The following USP15 variants were observed in gnomAD, a reference collection of about 807,000 sequenced individuals.
The protein encoded by USP15 is ubiquitin specific peptidase 15.
A neutral mutation model predicts 127.1 loss-of-function variants in USP15; 18 were observed. The ratio of observed to expected loss-of-function variants is 0.14; its 90% CI spans 0.10 to 0.21. The LOEUF (loss-of-function observed/expected upper bound fraction) is 0.21, where lower values mean the gene tolerates loss of function less well. Among genes scored for constraint, USP15 ranks in the 10% least tolerant of loss-of-function variants. The pLI is 1.00. For synonymous variants in USP15, 364 were observed against 393.7 expected (o/e 0.92, Z 0.89); for missense variants, 805 against 1,159.9 (o/e 0.69, Z 4.44).
At chr12:62,378,890 A>G (rs1486154473) in intron 8 of USP15, among the ~76,000 whole-genome samples, 1 of 152,184 alleles carries the variant, frequency 6.6e-6, no homozygotes, top group Non-Finnish European at 1.5e-5. Flanking sequence ...TAAATGCATT[A>G]GTAAATACAG....
At chr12:62,339,689 A>G (rs2065588044) in intron 6 of USP15, among the ~76,000 whole-genome samples, 1 of 152,164 alleles carries the variant, frequency 6.6e-6, no homozygotes, top group Non-Finnish European at 1.5e-5. Context: ...GATTACTTTT[A>G]TTGATTTGCA....
At position 62,406,794 on chromosome 12, in the gene USP15, G is replaced by C. The variant is rs1019207180; in HGVS notation, c.*2419G>C. On this transcript the variant is annotated 3_prime_UTR_variant, in exon 22 of 22. Coordinates refer to ENST00000280377, the MANE Select transcript of USP15 (RefSeq NM_001252078.2). Reference sequence around the variant, plus strand: ...GAGTAACATAGTGAGAACCTCATCTGTACAAATATATGTATTTTTTTTTAA... The same window carrying C: ...GAGTAACATAGTGAGAACCTCATCTCTACAAATATATGTATTTTTTTTTAA... The C allele has an allele frequency of 6.6e-6, 1 of 152,044 alleles. No homozygotes were observed. Among genetic ancestry groups the C allele is most frequent in the African/African-American group, 2.4e-5 (1 of 41,392 alleles). The allele number at this position is 152,044 out of a possible 1,614,324, so 9.4% of individuals were successfully genotyped here.
chr12:62,328,305 T>G lies in USP15; in HGVS notation c.683+2372T>G, dbSNP rs181524969. 31 of 454,250 alleles carry G rather than the reference T, an allele frequency of 6.8e-5. 1 individual carries two copies. The highest frequency in any genetic ancestry group is 3.3e-4 in the Middle Eastern group (1 of 3,056). 28.1% of individuals were successfully genotyped at this position (454,250 alleles called of 1,614,324 possible). On this transcript the variant is annotated intron_variant, in intron 6 of 21. Coordinates refer to ENST00000280377, the MANE Select transcript of USP15 (RefSeq NM_001252078.2). ...TAAATGTTTTCAGCTTTGTGGGCCATATGGTCTCTGTCATAACTATAACTG... is the reference window on the plus strand; with the variant it reads ...TAAATGTTTTCAGCTTTGTGGGCCAGATGGTCTCTGTCATAACTATAACTG...
intron 8 of USP15, among the ~76,000 whole-genome samples, chr12:62,374,719 G>A (rs908508467): frequency 1.4e-4 from 21 of 152,150 alleles, no homozygotes; most frequent in African/African-American, 4.6e-4. Context: ...CTTACATGCA[G>A]CAGTTATATT....
intron 7 of USP15, among the ~76,000 whole-genome samples, chr12:62,349,542 C>T (rs1402087358): frequency 6.6e-6 from 1 of 151,976 alleles, no homozygotes; most frequent in Non-Finnish European, 1.5e-5. Flanking sequence ...ATACTAAACA[C>T]TAATCATTAA....
At chr12:62,307,753 T>G (rs558979812) in intron 3 of USP15, among the ~76,000 whole-genome samples, 1 of 152,270 alleles carries the variant, frequency 6.6e-6, no homozygotes, top group South Asian at 2.1e-4. Flanking sequence ...GTTTGTCACT[T>G]AGTAGCCATC....
chr12:62,413,982 G>A lies in USP15; in HGVS notation c.*9607G>A, dbSNP rs527474716. ...GAGGCCATTGGATGGTTATTAACTGGCCTGGTTTTAATAGTGTTATGTCTC... is the reference window on the plus strand; with the variant it reads ...GAGGCCATTGGATGGTTATTAACTGACCTGGTTTTAATAGTGTTATGTCTC... On this transcript the variant is annotated 3_prime_UTR_variant, in exon 22 of 22. Coordinates refer to ENST00000280377, the MANE Select transcript of USP15 (RefSeq NM_001252078.2). 1 of 152,280 alleles carries A rather than the reference G, an allele frequency of 6.6e-6. No individual in the cohort carries two copies. Among genetic ancestry groups the A allele is most frequent in the East Asian group, 1.9e-4 (1 of 5,176 alleles). The allele number at this position is 152,280 out of a possible 1,614,324, so 9.4% of individuals were successfully genotyped here. A position where few individuals can be genotyped will look rare whatever the true frequency, so the allele number is the denominator to read the frequency against.
intron 6 of USP15, among the ~76,000 whole-genome samples, chr12:62,348,867 A>G (rs2065893273): frequency 6.6e-6 from 1 of 152,164 alleles, no homozygotes; most frequent in African/African-American, 2.4e-5. Context: ...CCAGTGAGAA[A>G]CAAAGTAGAA....
intron 6 of USP15, chr12:62,334,013 T>G (rs907544381): frequency 2.0e-5 from 3 of 152,114 alleles, no homozygotes; most frequent in African/African-American, 7.2e-5. Context: ...CAGGTGAAAT[T>G]ATGGGTGTCT....
chr12:62,382,522 A>G (rs527251986), intron 9 of USP15, among the ~76,000 whole-genome samples: 13 of 152,098 alleles, frequency 8.5e-5, no homozygotes, highest in African/African-American at 2.4e-4. Flanking sequence ...CTTTGGACAA[A>G]CTAGTCCAGA....
intron 11 of USP15, among the ~76,000 whole-genome samples, chr12:62,387,142 T>G (rs2067176660): frequency 6.6e-6 from 1 of 152,136 alleles, no homozygotes; most frequent in Non-Finnish European, 1.5e-5. Context: ...TGAGGAACAC[T>G]TAGGTAGAGA....
In USP15 at chr12:62,411,742, A is replaced by T. The variant is rs1053225125; in HGVS notation, c.*7367A>T. 1 of 152,190 alleles carries T rather than the reference A, an allele frequency of 6.6e-6. No homozygotes were observed. Among genetic ancestry groups the T allele is most frequent in the Non-Finnish European group, 1.5e-5 (1 of 68,046 alleles). 9.4% of individuals were successfully genotyped at this position (152,190 alleles called of 1,614,324 possible). ...CAGTTCTGGAGGCTGGGAATCTGAG[A>T]TCAGGGTACCAGTATACTGGGTTTC... On this transcript the variant is annotated 3_prime_UTR_variant, in exon 22 of 22. Transcript: ENST00000280377.
chr12:62,408,079 A>G lies in USP15; in HGVS notation c.*3704A>G, dbSNP rs1407869214. Reference sequence around the variant, plus strand: ...CAACATAAAGGTGGTGGGGTTTTTTATGAACTAATTTGATTGAAGTGAGTT... The same window carrying G: ...CAACATAAAGGTGGTGGGGTTTTTTGTGAACTAATTTGATTGAAGTGAGTT... On this transcript the variant is annotated 3_prime_UTR_variant, in exon 22 of 22. Coordinates refer to ENST00000280377, the MANE Select transcript of USP15 (RefSeq NM_001252078.2). The G allele has an allele frequency of 6.6e-6, 1 of 152,110 alleles. No homozygotes were observed. The highest frequency in any genetic ancestry group is 2.4e-5 in the African/African-American group (1 of 41,432). The allele number at this position is 152,110 out of a possible 1,614,324, so 9.4% of individuals were successfully genotyped here.
At chr12:62,264,822 G>A (rs2063156777) in intron 1 of USP15, among the ~76,000 whole-genome samples, 1 of 152,138 alleles carries the variant, frequency 6.6e-6, no homozygotes, top group Non-Finnish European at 1.5e-5. Context: ...TATACTTAAA[G>A]AAATTTTTAT....
At chr12:62,335,499 C>T (rs2065434459) in intron 6 of USP15, 1 of 1,190,914 alleles carries the variant, frequency 8.4e-7, no homozygotes, top group Non-Finnish European at 1.0e-6. Flanking sequence ...TAGTATTTAT[C>T]TCAATGCTTC....
intron 6 of USP15, among the ~76,000 whole-genome samples, chr12:62,341,186 A>G (rs1182494453): frequency 6.8e-6 from 1 of 147,202 alleles, no homozygotes; most frequent in Non-Finnish European, 1.5e-5. Flanking sequence ...ATCAGAGACT[A>G]GTATTTCAAC....
intron 8 of USP15, chr12:62,374,617 C>G: frequency 1.0e-6 from 1 of 963,266 alleles, no homozygotes. Context: ...TGACTGAAGA[C>G]TTGAGATTTG....
chr12:62,298,553 C>G (rs1424261769), intron 2 of USP15, among the ~76,000 whole-genome samples: 3 of 152,004 alleles, frequency 2.0e-5, no homozygotes, highest in African/African-American at 7.3e-5. Context: ...GTAGTCCCAT[C>G]TACTCAGGAG....
intron 1 of USP15, among the ~76,000 whole-genome samples, chr12:62,293,219 C>T (rs1342533114): frequency 6.6e-6 from 1 of 152,196 alleles, no homozygotes; most frequent in Non-Finnish European, 1.5e-5. Flanking sequence ...CCGTGCAACA[C>T]CAAGTCCCTT....
Sources: gnomAD v4.1 joint callset for allele counts (sites outside exome capture counted in the v4.1 genomes callset) on GRCh38, gnomAD v4.1.1 for gene constraint, MANE v1.5 for transcripts, NCBI Gene and HGNC (gene_info 2026-07-23, HGNC 2026-07-21) for gene names.